The following COL21A1 variants were observed in gnomAD, a reference collection of about 807,000 sequenced individuals.
COL21A1 encodes the protein collagen type XXI alpha 1 chain.
A neutral mutation model predicts 137.9 loss-of-function variants in COL21A1; 149 were observed. The ratio of observed to expected loss-of-function variants is 1.08; its 90% CI spans 0.95 to 1.24. COL21A1 has a LOEUF of 1.24. COL21A1 is among the 50% of genes most tolerant of loss of function. The pLI, the probability that COL21A1 is intolerant of heterozygous loss-of-function variation, is 0.00. For synonymous variants in COL21A1, 456 were observed against 391.5 expected (o/e 1.16, Z -1.95); for missense variants, 1,167 against 1,158.4 (o/e 1.01, Z -0.11).
At chr6:56,370,853 ATT>A (rs1405143242) in intron 1 of COL21A1, among the ~76,000 whole-genome samples, 1 of 152,236 alleles carries the variant, frequency 6.6e-6, no homozygotes, top group African/African-American at 2.4e-5. Context: ...ACACAGAACA[ATT>A]ACATCAGTTC....
chr6:56,180,763 C>T (rs1206265816), intron 2 of COL21A1, among the ~76,000 whole-genome samples: 1 of 152,214 alleles, frequency 6.6e-6, no homozygotes, highest in Non-Finnish European at 1.5e-5. Context: ...ATCTCATTAT[C>T]ATACAGGCTA....
intron 12 of COL21A1, among the ~76,000 whole-genome samples, chr6:56,139,396 A>C (rs1017575171): frequency 1.3e-5 from 2 of 152,118 alleles, no homozygotes; most frequent in African/African-American, 2.4e-5. Context: ...TTTGGGAGGT[A>C]AGCAGTCTAA....
chr6:56,364,013 C>T (rs1766040168), intron 1 of COL21A1, among the ~76,000 whole-genome samples: 1 of 152,226 alleles, frequency 6.6e-6, no homozygotes, highest in Non-Finnish European at 1.5e-5. Flanking sequence ...AATCAGCAAG[C>T]GTTCAATAGG....
At chr6:56,279,127 T>A (rs562240552) in intron 1 of COL21A1, among the ~76,000 whole-genome samples, 1 of 152,152 alleles carries the variant, frequency 6.6e-6, no homozygotes, top group South Asian at 2.1e-4. Flanking sequence ...GATCTCCTTA[T>A]AGTGAGTGAG....
intron 1 of COL21A1, among the ~76,000 whole-genome samples, chr6:56,305,441 G>T (rs1437556455): frequency 6.6e-6 from 1 of 152,108 alleles, no homozygotes; most frequent in Admixed American, 6.5e-5. Context: ...TATATATTTA[G>T]GATAGTTAGC....
chr6:56,363,203 CT>C, intron 1 of COL21A1, among the ~76,000 whole-genome samples: 1 of 152,326 alleles, frequency 6.6e-6, no homozygotes, highest in South Asian at 2.1e-4. Context: ...ACTTCCTAGC[CT>C]TCTGGGAACC....
intron 1 of COL21A1, among the ~76,000 whole-genome samples, chr6:56,307,339 G>C (rs189951870): frequency 5.3e-5 from 8 of 152,360 alleles, no homozygotes; most frequent in African/African-American, 1.9e-4. Flanking sequence ...TACAGAGGAA[G>C]GCAGGCCTCC....
At chr6:56,152,658 G>T (rs933206978) in intron 10 of COL21A1, among the ~76,000 whole-genome samples, 1 of 151,962 alleles carries the variant, frequency 6.6e-6, no homozygotes, top group African/African-American at 2.4e-5. Flanking sequence ...CACCTCCAGT[G>T]CTTCATGCAT....
intron 3 of COL21A1, among the ~76,000 whole-genome samples, chr6:56,174,587 A>C (rs574384296): frequency 1.3e-5 from 2 of 152,150 alleles, no homozygotes; most frequent in Non-Finnish European, 2.9e-5. Flanking sequence ...AGAACATATA[A>C]CCTACCAAAA....
intron 20 of COL21A1, 41 bp downstream of exon 20, chr6:56,074,191 T>C (rs1767006861): frequency 7.0e-7 from 1 of 1,436,544 alleles, no homozygotes; most frequent in Non-Finnish European, 9.5e-7. Context: ...GCCACTGTGA[T>C]TATACAAAGT....
At chr6:56,059,918 T>C in intron 28 of COL21A1, 100 bp downstream of exon 28, 2 of 758,224 alleles carry the variant, frequency 2.6e-6, no homozygotes, top group Non-Finnish European at 2.1e-6. Context: ...GATTTTTTTA[T>C]CATGAAAAAA....
chr6:56,329,196 G>A (rs1313235572), intron 1 of COL21A1, among the ~76,000 whole-genome samples: 2 of 152,098 alleles, frequency 1.3e-5, no homozygotes, highest in Non-Finnish European at 2.9e-5. Flanking sequence ...TACATGACAT[G>A]TGTCTACTGC....
chr6:56,105,714 A>AT (rs1464132856), intron 16 of COL21A1, among the ~76,000 whole-genome samples: 2 of 152,108 alleles, frequency 1.3e-5, no homozygotes, highest in Non-Finnish European at 2.9e-5. Flanking sequence ...GAAAGGATAA[A>AT]TTTTTTCCAC....
At chr6:56,152,208 T>C (rs751764471) in intron 10 of COL21A1, among the ~76,000 whole-genome samples, 5 of 152,148 alleles carry the variant, frequency 3.3e-5, no homozygotes, top group Non-Finnish European at 7.4e-5. Context: ...CCATTGTTCC[T>C]GGGCTCACGA....
intron 10 of COL21A1, among the ~76,000 whole-genome samples, chr6:56,144,337 T>C (rs879680700): frequency 3.9e-5 from 6 of 152,132 alleles, no homozygotes; most frequent in East Asian, 1.9e-4. Context: ...GATCTGATCA[T>C]TGTAGATTGA....
chr6:56,072,974 C>G (rs1005436899), intron 20 of COL21A1, among the ~76,000 whole-genome samples: 1 of 151,384 alleles, frequency 6.6e-6, no homozygotes, highest in African/African-American at 2.4e-5. Context: ...CCTCACTGGC[C>G]TACCCAGCCA....
intron 20 of COL21A1, among the ~76,000 whole-genome samples, chr6:56,072,833 G>A (rs936804483): frequency 6.6e-6 from 1 of 151,520 alleles, no homozygotes; most frequent in African/African-American, 2.4e-5. Context: ...AAAAGATTAT[G>A]TGTATTTTTA....
At chr6:56,340,398 G>C (rs1765439120) in intron 1 of COL21A1, among the ~76,000 whole-genome samples, 1 of 82,994 alleles carries the variant, frequency 1.2e-5, no homozygotes, top group Middle Eastern at 6.5e-3. Flanking sequence ...GGGAGGAGGA[G>C]ACAAAACAGA....
In COL21A1 at chr6:56,182,664, GA is replaced by G. The variant is rs762588386; in HGVS notation, c.-38-9del. On this transcript the variant is annotated splice_polypyrimidine_tract_variant and intron_variant, in intron 1 of 29. Transcript: ENST00000244728. Reference sequence around the variant, plus strand: ...ATTTTGGTTTTAGGATTCCTAGGGGGAAAAAAAAGGCAAGTTAAATATATTA... The same window carrying G: ...ATTTTGGTTTTAGGATTCCTAGGGGGAAAAAAAGGCAAGTTAAATATATTA... 8.1e-5 allele frequency: 97 copies of G among 1,203,722 alleles called. No individual in the cohort carries two copies. The highest frequency in any genetic ancestry group is 1.9e-4 in the Middle Eastern group (1 of 5,206). 74.6% of individuals were successfully genotyped at this position (1,203,722 alleles called of 1,614,324 possible). A position where few individuals can be genotyped will look rare whatever the true frequency, so the allele number is the denominator to read the frequency against.
Sources: allele counts gnomAD v4.1 joint callset (sites outside exome capture counted in the v4.1 genomes callset), GRCh38; gene constraint gnomAD v4.1.1; transcripts MANE v1.5; gene names NCBI Gene and HGNC (gene_info 2026-07-23, HGNC 2026-07-21).